PTPRJ: variants seen among roughly 807,000 people sequenced by gnomAD.
The protein encoded by PTPRJ is receptor-type tyrosine-protein phosphatase eta.
Under a neutral mutation model 141.3 loss-of-function variants are expected in PTPRJ, and 129 were observed. The observed-to-expected ratio is 0.91, with a 90% CI of 0.79 to 1.06. The LOEUF (loss-of-function observed/expected upper bound fraction) is 1.06, where lower values mean the gene tolerates loss of function less well. Ranked by LOEUF, PTPRJ falls within the 50% of genes least tolerant of loss-of-function variation. The pLI is 0.00. For synonymous variants in PTPRJ, 610 were observed against 640.5 expected (o/e 0.95, Z 0.72); for missense variants, 1,601 against 1,679.7 (o/e 0.95, Z 0.82).
intron 21 of PTPRJ, among the ~76,000 whole-genome samples, chr11:48,159,207 T>C (rs1299183665): frequency 6.6e-6 from 1 of 151,022 alleles, no homozygotes; most frequent in African/African-American, 2.4e-5. Context: ...GAGCAGGTGT[T>C]TCCTGGTTAT....
intron 1 of PTPRJ, among the ~76,000 whole-genome samples, chr11:48,027,714 C>T (rs1189876612): frequency 7.1e-6 from 1 of 141,158 alleles, no homozygotes; most frequent in Non-Finnish European, 1.5e-5. Flanking sequence ...ATTGTTTGAA[C>T]CTGGCAGGTG....
chr11:48,121,282 C>T lies in PTPRJ; in HGVS notation c.616+16C>T, dbSNP rs1388924259. On this transcript the variant is annotated intron_variant, in intron 4 of 24. Coordinates refer to ENST00000418331, the MANE Select transcript of PTPRJ (RefSeq NM_002843.4). ...GTCATCACAGGTAAGATGACTGGCTCCCAGGGATGATGACAAACCATTTCT... is the reference window on the plus strand; with the variant it reads ...GTCATCACAGGTAAGATGACTGGCTTCCAGGGATGATGACAAACCATTTCT... 5 of 1,611,174 alleles carry T rather than the reference C, an allele frequency of 3.1e-6. No homozygotes were observed. The highest frequency in any genetic ancestry group is 1.1e-5 in the South Asian group (1 of 90,980).
intron 1 of PTPRJ, among the ~76,000 whole-genome samples, chr11:48,091,227 A>G (rs760879088): frequency 6.6e-6 from 1 of 152,108 alleles, no homozygotes; most frequent in African/African-American, 2.4e-5. Context: ...CTATGTTTGC[A>G]TCTCAATTTT....
chr11:47,988,166 A>G (rs932665230), intron 1 of PTPRJ, among the ~76,000 whole-genome samples: 33 of 152,172 alleles, frequency 2.2e-4, no homozygotes, highest in Admixed American at 1.6e-3. Flanking sequence ...CTTCATATCA[A>G]CATGGAGCCT....
intron 1 of PTPRJ, among the ~76,000 whole-genome samples, chr11:48,072,386 C>T (rs1463630773): frequency 1.3e-5 from 2 of 152,164 alleles, no homozygotes; most frequent in South Asian, 4.1e-4. Flanking sequence ...CAACCCCACC[C>T]ATGAGGGTGG....
intron 22 of PTPRJ, among the ~76,000 whole-genome samples, chr11:48,160,628 G>T (rs949337869): frequency 1.3e-5 from 2 of 152,162 alleles, no homozygotes; most frequent in African/African-American, 4.8e-5. Flanking sequence ...CTGTTGATGG[G>T]TGTGTGCATT....
chr11:48,031,998 CTG>C (rs1369186326), intron 1 of PTPRJ, among the ~76,000 whole-genome samples: 15 of 152,294 alleles, frequency 9.8e-5, no homozygotes, highest in East Asian at 3.9e-4. Flanking sequence ...GTCCCTGTGA[CTG>C]TATCATAGGG....
In PTPRJ at chr11:48,153,887, G is replaced by T; in HGVS notation, c.3229+1G>T. ...AATCGCTATAATAATGTTCTGCCCT[G>T]TAAGTTATTTTATCTACAGCATCTT... On this transcript the variant is annotated splice_donor_variant, in intron 19 of 24. Transcript: ENST00000418331. LOFTEE classifies it high-confidence loss of function. 1 of 1,603,196 alleles carries T rather than the reference G, an allele frequency of 6.2e-7. No homozygotes were observed. The highest frequency in any genetic ancestry group is 8.5e-7 in the Non-Finnish European group (1 of 1,170,238).
At chr11:48,041,006 C>T (rs569211621) in intron 1 of PTPRJ, among the ~76,000 whole-genome samples, 6 of 152,236 alleles carry the variant, frequency 3.9e-5, no homozygotes, top group East Asian at 1.9e-4. Context: ...CTGCACCCTC[C>T]GTCTGTGTCA....
chr11:48,071,636 TCTCG>T (rs1439859330), intron 1 of PTPRJ, among the ~76,000 whole-genome samples: 1 of 99,874 alleles, frequency 1.0e-5, no homozygotes, highest in African/African-American at 3.8e-5. Flanking sequence ...TGAGATGGAG[TCTCG>T]CTCTGTTGTG....
intron 1 of PTPRJ, among the ~76,000 whole-genome samples, chr11:48,039,197 T>C (rs1161204738): frequency 3.9e-5 from 6 of 152,030 alleles, no homozygotes; most frequent in Non-Finnish European, 5.9e-5. Context: ...CCCTCATTTT[T>C]TTGAGCACTT....
chr11:48,074,154 A>AT (rs1333413961), intron 1 of PTPRJ, among the ~76,000 whole-genome samples: 2 of 152,006 alleles, frequency 1.3e-5, no homozygotes, highest in African/African-American at 4.8e-5. Context: ...TAATTTTTAT[A>AT]TTTTTTGTAG....
At chr11:48,011,388 G>A (rs567216050) in intron 1 of PTPRJ, among the ~76,000 whole-genome samples, 4 of 152,246 alleles carry the variant, frequency 2.6e-5, no homozygotes, top group Non-Finnish European at 4.4e-5. Flanking sequence ...CTTACTAGAC[G>A]GGTACTCTTG....
chr11:48,124,873 C>T (rs2134343923), intron 5 of PTPRJ, 95 bp from the exon 6 acceptor site: 4 of 1,160,364 alleles, frequency 3.4e-6, no homozygotes, highest in Non-Finnish European at 3.8e-6. Context: ...TGGCCACTGT[C>T]TGATGGCCAT....
intron 1 of PTPRJ, among the ~76,000 whole-genome samples, chr11:48,049,811 C>A (rs1248272120): frequency 6.6e-6 from 1 of 151,836 alleles, no homozygotes; most frequent in South Asian, 2.1e-4. Flanking sequence ...GACAGATTGA[C>A]AGTGGGCTTA....
At chr11:48,033,133 G>C (rs1209164950) in intron 1 of PTPRJ, among the ~76,000 whole-genome samples, 2 of 152,084 alleles carry the variant, frequency 1.3e-5, no homozygotes, top group Non-Finnish European at 2.9e-5. Context: ...GGAATACAGC[G>C]TGTTGAGGGG....
chr11:48,078,587 G>GAT (rs1347963533), intron 1 of PTPRJ, among the ~76,000 whole-genome samples: 8 of 152,292 alleles, frequency 5.3e-5, no homozygotes, highest in South Asian at 2.1e-4. Context: ...GCATCAGGAA[G>GAT]GCTGGGTAGG....
In PTPRJ at chr11:48,035,538, C is replaced by CTTTT. The variant is rs66504227; in HGVS notation, c.96+54554_96+54557dup. On this transcript the variant is annotated intron_variant, in intron 1 of 24. Transcript: ENST00000418331. ...TTTCTTTTCTTTTTTCTTTCTTCTT[C>CTTTT]TTTTTTTTTTTTTTTTTTTTTTTTT... is the stretch of plus-strand genomic sequence containing the variant. Among the ~76,000 whole-genome samples the CTTTT allele has an allele frequency of 6.4e-3, 396 of 61,740 alleles. 2 individuals are homozygous for CTTTT. The highest frequency in any genetic ancestry group is 8.9e-3 in the Non-Finnish European group (302 of 33,806). 40.5% of individuals were successfully genotyped at this position (61,740 alleles called of 152,430 possible).
intron 1 of PTPRJ, among the ~76,000 whole-genome samples, chr11:48,050,989 CAG>C (rs1282864494): frequency 2.0e-5 from 3 of 150,308 alleles, no homozygotes; most frequent in African/African-American, 7.3e-5. Context: ...GTAACCCTAA[CAG>C]AGCTGTTTTG....
Sources: gnomAD v4.1 joint callset for allele counts (sites outside exome capture counted in the v4.1 genomes callset) on GRCh38, gnomAD v4.1.1 for gene constraint, MANE v1.5 for transcripts, NCBI Gene and HGNC (gene_info 2026-07-23, HGNC 2026-07-21) for gene names.